Variants in TMEM41B observed in about 807,000 individuals in gnomAD.
TMEM41B encodes transmembrane protein 41B, also known as protein stasimon.
In TMEM41B, 18 loss-of-function variants were observed where a neutral mutation model predicts 31.9. That is an observed-to-expected ratio of 0.56 (90% CI 0.39 to 0.84). TMEM41B has a LOEUF of 0.84. Among genes scored for constraint, TMEM41B ranks in the 40% least tolerant of loss-of-function variants. The probability of loss-of-function intolerance (pLI) is 0.00; values close to 1 mark genes in which losing one functional copy is unlikely to be tolerated. For synonymous variants in TMEM41B, 144 were observed against 124.3 expected, an observed-to-expected ratio of 1.16 and a Z score of -1.05; for missense variants, 322 against 348.0, an observed-to-expected ratio of 0.93 and a Z score of 0.59.
chr11:9,290,841 G>A (rs1345415229), intron 3 of TMEM41B, among the ~76,000 whole-genome samples: 1 of 152,140 alleles, frequency 6.6e-6, no homozygotes, highest in African/African-American at 2.4e-5. Context: ...ATTTCAGGCT[G>A]GGCACCGTGG....
At chr11:9,311,735 G>A in intron 1 of TMEM41B, 1 of 690,768 alleles carries the variant, frequency 1.4e-6, no homozygotes, top group South Asian at 1.6e-5. Context: ...TGGGCTTGAT[G>A]CATTCTCAAG....
In TMEM41B at chr11:9,283,492, T is replaced by C. The variant is rs772373683; in HGVS notation, c.808A>G (p.Met270Val). The C allele has an allele frequency of 1.9e-6, 3 of 1,613,426 alleles. No individual in the cohort carries two copies. Among genetic ancestry groups the C allele is most frequent in the South Asian group, 2.2e-5 (2 of 90,968 alleles). The change falls in exon 7 of 7, where the codon ATG (methionine) becomes GTG (valine). Residue 270 changes from methionine to valine, a missense_variant. Coordinates refer to ENST00000528080, the MANE Select transcript of TMEM41B (RefSeq NM_015012.4). ...AVSWNSIFIL[M>V]ILAVLSILPA... The stretch of plus-strand genomic sequence containing the variant: ...AGAATAGAAAGAACAGCCAAGATCA[T>C]CAGAATAAATATTGAGTTCCAGGAA...
In TMEM41B at chr11:9,281,406, T is replaced by C. The variant is rs369885344; in HGVS notation, c.*2018A>G. On this transcript the variant is annotated 3_prime_UTR_variant, in exon 7 of 7. Coordinates refer to ENST00000528080, the MANE Select transcript of TMEM41B (RefSeq NM_015012.4). ...CATAAGAATACTACAATAATCAATA[T>C]GTTTTCTTTGTATTTACAATAAAAT... 12 of 152,326 alleles carry C rather than the reference T, an allele frequency of 7.9e-5. No individual in the cohort carries two copies. In the South Asian group the frequency reaches 8.3e-4, roughly 11 times the overall value. 9.4% of individuals were successfully genotyped at this position (152,326 alleles called of 1,614,324 possible).
rs142341795 is a variant in TMEM41B, at chr11:9,301,425, T to G, written c.122-1724A>C. 5.3e-3 allele frequency among the ~76,000 whole-genome samples: 803 copies of G among 152,302 alleles called. 14 individuals are homozygous for G. The highest frequency in any genetic ancestry group is 0.017 in the Middle Eastern group (5 of 294). On this transcript the variant is annotated intron_variant, in intron 1 of 6. Transcript: ENST00000528080. The stretch of plus-strand genomic sequence containing the variant: ...TTATTTTTAGTTCCCTTAGAATGGA[T>G]TCAACTATTGCACAGGTGGCTTTCA...
At chr11:9,285,834 G>T (rs150230367) in intron 6 of TMEM41B, among the ~76,000 whole-genome samples, 2,807 of 149,308 alleles carry the variant, frequency 0.019, 84 homozygotes, top group African/African-American at 0.065. Flanking sequence ...AAAAAAGAAA[G>T]GGCTGGGTGC....
At chr11:9,291,776 T>C (rs7925801) in intron 3 of TMEM41B, among the ~76,000 whole-genome samples, 1 of 151,802 alleles carries the variant, frequency 6.6e-6, no homozygotes, top group Non-Finnish European at 1.5e-5. Flanking sequence ...TGGCGTGATC[T>C]CAGCTCACTG....
chr11:9,306,461 T>A (rs1358867313), intron 1 of TMEM41B, among the ~76,000 whole-genome samples: 1 of 151,596 alleles, frequency 6.6e-6, no homozygotes, highest in African/African-American at 2.4e-5. Context: ...GGCGGTCGGA[T>A]CATGAGGTCA....
chr11:9,308,779 G>A (rs1390564094), intron 1 of TMEM41B, among the ~76,000 whole-genome samples: 1 of 152,114 alleles, frequency 6.6e-6, no homozygotes. Flanking sequence ...ATAATGATAG[G>A]TTCAGGAAAA....
intron 3 of TMEM41B, among the ~76,000 whole-genome samples, chr11:9,293,471 T>G (rs1853005135): frequency 6.6e-6 from 1 of 152,136 alleles, no homozygotes; most frequent in African/African-American, 2.4e-5. Context: ...ATCCCCTTCT[T>G]AGATAAAACA....
chr11:9,305,529 G>A (rs774909338), intron 1 of TMEM41B, among the ~76,000 whole-genome samples: 19 of 152,188 alleles, frequency 1.2e-4, no homozygotes, highest in Non-Finnish European at 2.4e-4. Context: ...GAACCTGGGA[G>A]GTGGAGGTTG....
intron 2 of TMEM41B, 25 bp from the exon 3 acceptor site, chr11:9,295,412 T>C: frequency 7.0e-7 from 1 of 1,432,852 alleles, no homozygotes; most frequent in Non-Finnish European, 9.5e-7. Flanking sequence ...TGAAAAATTT[T>C]AGAACAGAAT....
intron 6 of TMEM41B, among the ~76,000 whole-genome samples, chr11:9,286,223 A>G (rs530654253): frequency 7.1e-4 from 108 of 152,168 alleles, no homozygotes; most frequent in African/African-American, 2.3e-3. Flanking sequence ...TATCATTAAA[A>G]CGATATACAG....
At chr11:9,295,151 T>G (rs1853052928) in intron 3 of TMEM41B, 108 bp downstream of exon 3, 2 of 1,174,598 alleles carry the variant, frequency 1.7e-6, no homozygotes, top group Admixed American at 3.8e-5. Context: ...ATTGTCACAC[T>G]GCAATAACAA....
At chr11:9,306,199 G>A (rs1267488005) in intron 1 of TMEM41B, among the ~76,000 whole-genome samples, 4 of 151,278 alleles carry the variant, frequency 2.6e-5, no homozygotes, top group Admixed American at 6.6e-5. Flanking sequence ...GGCTGGTCTC[G>A]AACCCCTGAC....
chr11:9,303,279 C>T (rs1853300182), intron 1 of TMEM41B, among the ~76,000 whole-genome samples: 1 of 152,104 alleles, frequency 6.6e-6, no homozygotes, highest in Admixed American at 6.6e-5. Context: ...GCCGGGATTA[C>T]AGACGTGTGC....
intron 1 of TMEM41B, among the ~76,000 whole-genome samples, chr11:9,301,458 G>A (rs146406984): frequency 2.6e-5 from 4 of 152,312 alleles, no homozygotes; most frequent in East Asian, 1.9e-4. Flanking sequence ...TCAAACACGC[G>A]TTTATGAAGT....
chr11:9,306,466 A>G (rs761000511), intron 1 of TMEM41B, among the ~76,000 whole-genome samples: 32 of 151,844 alleles, frequency 2.1e-4, no homozygotes, highest in Non-Finnish European at 3.4e-4. Context: ...TCGGATCATG[A>G]GGTCAGGAGA....
intron 1 of TMEM41B, among the ~76,000 whole-genome samples, chr11:9,308,609 T>C (rs1020384247): frequency 2.0e-5 from 3 of 152,156 alleles, no homozygotes; most frequent in Non-Finnish European, 4.4e-5. Context: ...CCTTCCTACA[T>C]CACAATGGTT....
chr11:9,312,903 C>CAAAA (rs36030741), intron 1 of TMEM41B, among the ~76,000 whole-genome samples: 18 of 95,288 alleles, frequency 1.9e-4, no homozygotes, highest in Admixed American at 1.2e-3. Context: ...GACTCCGTCT[C>CAAAA]AAAAAAAAAA....
Sources: gnomAD v4.1 joint callset for allele counts (sites outside exome capture counted in the v4.1 genomes callset) on GRCh38, gnomAD v4.1.1 for gene constraint, MANE v1.5 for transcripts, NCBI Gene and HGNC (gene_info 2026-07-23, HGNC 2026-07-21) for gene names.